Variants in TMEM132B observed in about 807,000 individuals in gnomAD.
TMEM132B encodes transmembrane protein 132B.
TMEM132B carries 18 observed loss-of-function variants against 90.8 expected under a neutral mutation model. The observed-to-expected ratio is 0.20, with a 90% CI of 0.14 to 0.29. TMEM132B has a LOEUF of 0.29. Among genes scored for constraint, TMEM132B ranks in the 10% least tolerant of loss-of-function variants. TMEM132B has a pLI of 1.00. For synonymous variants in TMEM132B, 504 were observed against 523.3 expected, an observed-to-expected ratio of 0.96 and a Z score of 0.50; for missense variants, 1,096 against 1,326.8, an observed-to-expected ratio of 0.83 and a Z score of 2.70.
At chr12:125,365,044 T>A (rs1225106299) in intron 2 of TMEM132B, among the ~76,000 whole-genome samples, 1 of 152,038 alleles carries the variant, frequency 6.6e-6, no homozygotes, top group Non-Finnish European at 1.5e-5. Context: ...TTAATGTAAT[T>A]ACTAATGTTA....
chr12:125,510,958 C>T (rs943410180), intron 3 of TMEM132B, among the ~76,000 whole-genome samples: 4 of 152,120 alleles, frequency 2.6e-5, no homozygotes, highest in Admixed American at 1.3e-4. Flanking sequence ...ACAATTCAGT[C>T]GTTTTTAGTA....
chr12:125,488,487 T>A (rs992975259), intron 3 of TMEM132B, among the ~76,000 whole-genome samples: 3 of 152,290 alleles, frequency 2.0e-5, no homozygotes, highest in East Asian at 1.9e-4. Context: ...GGGTCTTTCC[T>A]ATGCTGTTCT....
intron 1 of TMEM132B, among the ~76,000 whole-genome samples, chr12:125,298,802 C>T (rs950235492): frequency 6.0e-5 from 9 of 150,686 alleles, no homozygotes; most frequent in Middle Eastern, 3.4e-3. Flanking sequence ...GGCGCGATCT[C>T]GGCTCACTGC....
At chr12:125,632,425 C>T (rs1012418280) in intron 5 of TMEM132B, among the ~76,000 whole-genome samples, 1 of 152,012 alleles carries the variant, frequency 6.6e-6, no homozygotes, top group African/African-American at 2.4e-5. Context: ...GTAGTTTACC[C>T]ATCCCACTTA....
intron 4 of TMEM132B, among the ~76,000 whole-genome samples, chr12:125,542,025 CAAAAAAAAAA>C (rs71306285): frequency 4.3e-5 from 1 of 23,302 alleles, no homozygotes; most frequent in Non-Finnish European, 7.5e-5. Context: ...ACCCCCGTCT[CAAAAAAAAAA>C]AAAAAAAAAA....
At chr12:125,298,547 G>A (rs1418728773) in intron 1 of TMEM132B, among the ~76,000 whole-genome samples, 4 of 149,748 alleles carry the variant, frequency 2.7e-5, no homozygotes, top group Non-Finnish European at 5.9e-5. Flanking sequence ...GGTGGCAGGT[G>A]CCTGTAATCC....
intron 1 of TMEM132B, among the ~76,000 whole-genome samples, chr12:125,271,205 G>A (rs1176238860): frequency 6.6e-6 from 1 of 152,194 alleles, no homozygotes; most frequent in Non-Finnish European, 1.5e-5. Flanking sequence ...TTGGCCTCAA[G>A]GGATCCTCCT....
intron 7 of TMEM132B, 70 bp from the exon 8 acceptor site, chr12:125,652,371 A>G (rs1471895183): frequency 7.0e-7 from 1 of 1,430,644 alleles, no homozygotes; most frequent in Non-Finnish European, 9.3e-7. Context: ...CTTTGTTGGG[A>G]GCCCCAGTTA....
intron 5 of TMEM132B, among the ~76,000 whole-genome samples, chr12:125,597,016 C>T (rs562205292): frequency 4.6e-5 from 7 of 152,254 alleles, no homozygotes; most frequent in Non-Finnish European, 8.8e-5. Flanking sequence ...CAGTTGCCAG[C>T]TCTGATACTA....
At chr12:125,344,828 A>G (rs1321731139) in intron 1 of TMEM132B, among the ~76,000 whole-genome samples, 1 of 125,460 alleles carries the variant, frequency 8.0e-6, no homozygotes. Context: ...AAGGGCAAGG[A>G]GAACTATGTG....
chr12:125,332,583 C>CTGTTTT (rs1876814232), intron 1 of TMEM132B, among the ~76,000 whole-genome samples: 1 of 52,364 alleles, frequency 1.9e-5, no homozygotes, highest in Non-Finnish European at 3.6e-5. Context: ...AGAGAGTTGG[C>CTGTTTT]TTTTTTTTTT....
chr12:125,398,944 T>C (rs1879235192), intron 2 of TMEM132B, among the ~76,000 whole-genome samples: 1 of 152,154 alleles, frequency 6.6e-6, no homozygotes. Flanking sequence ...CTGATTCAGT[T>C]GTTGGCAGAA....
At chr12:125,221,257 G>A (rs1565977871) in intron 1 of TMEM132B, among the ~76,000 whole-genome samples, 2 of 152,204 alleles carry the variant, frequency 1.3e-5, no homozygotes, top group South Asian at 2.1e-4. Flanking sequence ...ATGCTGCCTG[G>A]CAGATAGTAG....
intron 5 of TMEM132B, among the ~76,000 whole-genome samples, chr12:125,626,487 A>C (rs1183835241): frequency 6.6e-6 from 1 of 152,192 alleles, no homozygotes; most frequent in Non-Finnish European, 1.5e-5. Context: ...TGGTTGTACT[A>C]AGGTAGTTAG....
At chr12:125,516,255 C>T (rs943227176) in intron 3 of TMEM132B, among the ~76,000 whole-genome samples, 3 of 152,288 alleles carry the variant, frequency 2.0e-5, no homozygotes, top group East Asian at 1.9e-4. Flanking sequence ...GCTGAAACAC[C>T]GATCCTGATT....
chr12:125,635,336 CT>C (rs764006083), intron 5 of TMEM132B, among the ~76,000 whole-genome samples: 2 of 152,158 alleles, frequency 1.3e-5, no homozygotes, highest in Non-Finnish European at 2.9e-5. Flanking sequence ...GTTCCCCTCC[CT>C]GTGTCCATGT....
chr12:125,599,954 CA>C (rs1333143575), intron 5 of TMEM132B, among the ~76,000 whole-genome samples: 2 of 152,080 alleles, frequency 1.3e-5, no homozygotes, highest in Non-Finnish European at 2.9e-5. Flanking sequence ...AGCTCTCTGG[CA>C]GAGGTGCATA....
rs569454725 is a variant in TMEM132B, at chr12:125,470,044, A to C, written c.1107-49395A>C. ...ATTTTTGAAAGGCACATGCGGGTTG[A>C]AAGTCCCATTTGCTGGTTATAGCTG... On this transcript the variant is annotated intron_variant, in intron 3 of 8. Transcript: ENST00000682704. 8.5e-4 allele frequency among the ~76,000 whole-genome samples: 129 copies of C among 152,354 alleles called. 1 individual carries two copies. The highest frequency in any genetic ancestry group is 1.5e-3 in the Non-Finnish European group (99 of 68,036).
At chr12:125,384,948 A>C (rs1878785901) in intron 2 of TMEM132B, among the ~76,000 whole-genome samples, 1 of 152,138 alleles carries the variant, frequency 6.6e-6, no homozygotes, top group Admixed American at 6.6e-5. Flanking sequence ...CACCATGCCC[A>C]GCCATTTTCT....
Sources: gnomAD v4.1 joint callset for allele counts (sites outside exome capture counted in the v4.1 genomes callset) on GRCh38, gnomAD v4.1.1 for gene constraint, MANE v1.5 for transcripts, NCBI Gene and HGNC (gene_info 2026-07-23, HGNC 2026-07-21) for gene names.